SEMA3E: variants seen among roughly 807,000 people sequenced by gnomAD.
SEMA3E encodes semaphorin-3E.
Under a neutral mutation model 93.6 loss-of-function variants are expected in SEMA3E, and 49 were observed. That is an observed-to-expected ratio of 0.52 (90% confidence interval 0.42 to 0.66). SEMA3E has a LOEUF of 0.66. Among genes scored for constraint, SEMA3E ranks in the 30% least tolerant of loss-of-function variants. The pLI is 0.00. For missense variants in SEMA3E, 906 were observed against 964.8 expected (o/e 0.94, Z 0.81); for synonymous variants, 363 against 330.7 (o/e 1.10, Z -1.06).
chr7:83,404,396 G>T (rs946690917), intron 9 of SEMA3E, among the ~76,000 whole-genome samples: 1 of 151,812 alleles, frequency 6.6e-6, no homozygotes, highest in African/African-American at 2.4e-5. Flanking sequence ...ATAATTATAT[G>T]ACAGTTTATG....
At chr7:83,574,458 T>A (rs1408424708) in intron 1 of SEMA3E, among the ~76,000 whole-genome samples, 8 of 109,454 alleles carry the variant, frequency 7.3e-5, no homozygotes, top group African/African-American at 1.9e-4. Flanking sequence ...AAGTAAAGTT[T>A]AAAAAAAAAA....
intron 5 of SEMA3E, among the ~76,000 whole-genome samples, chr7:83,412,226 G>A (rs1443190229): frequency 6.6e-6 from 1 of 151,996 alleles, no homozygotes; most frequent in Non-Finnish European, 1.5e-5. Flanking sequence ...TAGTGTAGTG[G>A]TTCCTAGTGC....
intron 9 of SEMA3E, 91 bp from the exon 10 acceptor site, chr7:83,402,867 C>A: frequency 1.5e-6 from 2 of 1,304,488 alleles, no homozygotes; most frequent in Non-Finnish European, 1.1e-6. Context: ...AGAGTCAAGT[C>A]TTTTGGGTAA....
At chr7:83,387,813 A>AATATATATGTTTATATATATATAATGTT (rs1562756775) in intron 14 of SEMA3E, among the ~76,000 whole-genome samples, 5 of 138,170 alleles carry the variant, frequency 3.6e-5, no homozygotes, top group African/African-American at 1.5e-4. Context: ...AAAATTCCAG[A>AATATATATGTTTATATATATATAATGTT]ATATATATGT....
At chr7:83,422,782 A>C (rs945394502) in intron 4 of SEMA3E, among the ~76,000 whole-genome samples, 1 of 152,220 alleles carries the variant, frequency 6.6e-6, no homozygotes, top group Non-Finnish European at 1.5e-5. Context: ...ATACAAGTAC[A>C]TTGCGTATTT....
At chr7:83,385,625 G>C (rs1427793366) in intron 15 of SEMA3E, among the ~76,000 whole-genome samples, 192 bp from the exon 16 acceptor site, 1 of 152,072 alleles carries the variant, frequency 6.6e-6, no homozygotes, top group Non-Finnish European at 1.5e-5. Flanking sequence ...AAGCAAGCAG[G>C]CTATGGGGTG....
chr7:83,636,763 G>A (rs1048024115), intron 1 of SEMA3E, among the ~76,000 whole-genome samples: 2 of 152,088 alleles, frequency 1.3e-5, no homozygotes, highest in African/African-American at 4.8e-5. Flanking sequence ...TGCATTATAT[G>A]CAGTGGGATG....
intron 4 of SEMA3E, among the ~76,000 whole-genome samples, chr7:83,436,392 A>G (rs1789006234): frequency 6.6e-6 from 1 of 151,566 alleles, no homozygotes; most frequent in African/African-American, 2.4e-5. Context: ...AAAGAGAGTT[A>G]ACTCAAGTGG....
At chr7:83,612,142 T>TA (rs1025363778) in intron 1 of SEMA3E, among the ~76,000 whole-genome samples, 2 of 152,136 alleles carry the variant, frequency 1.3e-5, no homozygotes, top group African/African-American at 2.4e-5. Flanking sequence ...TCATCCTATG[T>TA]AAAAAAGAAT....
At position 83,364,858 on chromosome 7, in the gene SEMA3E, T is replaced by A. The variant is rs1452408372; in HGVS notation, c.*2728A>T. 6.6e-6 allele frequency: 1 copy of A among 152,118 alleles called. No individual in the cohort carries two copies. Among genetic ancestry groups the A allele is most frequent in the Non-Finnish European group, 1.5e-5 (1 of 68,020 alleles). The allele number at this position is 152,118 out of a possible 1,614,324, so 9.4% of individuals were successfully genotyped here. ...ACAAGAAAGAGAAAAATGGGGAAAA[T>A]TTGGTGAGATGAAGGGTGAACTCTT... On this transcript the variant is annotated 3_prime_UTR_variant, in exon 17 of 17. Coordinates refer to ENST00000643230, the MANE Select transcript of SEMA3E (RefSeq NM_012431.3).
intron 1 of SEMA3E, among the ~76,000 whole-genome samples, chr7:83,492,568 AT>A (rs1790408378): frequency 6.6e-6 from 1 of 151,828 alleles, no homozygotes; most frequent in African/African-American, 2.4e-5. Flanking sequence ...CTTCCTCTCT[AT>A]GGCCAAATCT....
chr7:83,500,393 G>A (rs192200551), intron 1 of SEMA3E, among the ~76,000 whole-genome samples: 386 of 152,044 alleles, frequency 2.5e-3, no homozygotes, highest in African/African-American at 8.8e-3. Flanking sequence ...CTGAGATCAG[G>A]CCACTACACT....
At chr7:83,555,010 A>T (rs1345005011) in intron 1 of SEMA3E, among the ~76,000 whole-genome samples, 1 of 151,994 alleles carries the variant, frequency 6.6e-6, no homozygotes, top group Non-Finnish European at 1.5e-5. Flanking sequence ...AAATGGAAAA[A>T]AAAAAGACTT....
intron 16 of SEMA3E, among the ~76,000 whole-genome samples, chr7:83,382,046 A>AT (rs1477141874): frequency 6.6e-6 from 1 of 151,982 alleles, no homozygotes; most frequent in Non-Finnish European, 1.5e-5. Flanking sequence ...GATCAATCTG[A>AT]CATCAGGAGC....
chr7:83,466,041 C>T (rs1017540433), intron 4 of SEMA3E, among the ~76,000 whole-genome samples: 46 of 152,122 alleles, frequency 3.0e-4, no homozygotes, highest in Non-Finnish European at 5.0e-4. Flanking sequence ...CCTCACCTGA[C>T]CATGAGAAAG....
chr7:83,621,218 C>A (rs1196204260), intron 1 of SEMA3E, among the ~76,000 whole-genome samples: 1 of 151,956 alleles, frequency 6.6e-6, no homozygotes, highest in Non-Finnish European at 1.5e-5. Context: ...TGCAGAGAGC[C>A]AAATCATGAA....
intron 1 of SEMA3E, among the ~76,000 whole-genome samples, chr7:83,618,344 C>T (rs182619177): frequency 6.0e-4 from 91 of 152,174 alleles, no homozygotes; most frequent in Non-Finnish European, 1.2e-3. Context: ...TCTTTATCTT[C>T]TCTCTGATCT....
At chr7:83,479,684 A>T (rs1208327693) in intron 2 of SEMA3E, among the ~76,000 whole-genome samples, 4 of 152,160 alleles carry the variant, frequency 2.6e-5, no homozygotes, top group Non-Finnish European at 5.9e-5. Context: ...TCTTACAGTT[A>T]AGAGAACTGA....
At chr7:83,514,238 A>C (rs1351025835) in intron 1 of SEMA3E, among the ~76,000 whole-genome samples, 1 of 152,120 alleles carries the variant, frequency 6.6e-6, no homozygotes, top group African/African-American at 2.4e-5. Flanking sequence ...ATAACCATAA[A>C]AATGGGCAAC....
Sources: allele counts gnomAD v4.1 joint callset (sites outside exome capture counted in the v4.1 genomes callset), GRCh38; gene constraint gnomAD v4.1.1; transcripts MANE v1.5; gene names NCBI Gene and HGNC (gene_info 2026-07-23, HGNC 2026-07-21).